TRIM47: variants seen among roughly 807,000 people sequenced by gnomAD.
TRIM47 encodes tripartite motif containing 47.
A neutral mutation model predicts 54.4 loss-of-function variants in TRIM47; 46 were observed. The observed-to-expected ratio is 0.84, with a 90% CI of 0.67 to 1.08. The LOEUF is 1.08. TRIM47 is among the 50% of genes least tolerant of loss of function. The pLI, the probability that TRIM47 is intolerant of heterozygous loss-of-function variation, is 0.00. For synonymous variants in TRIM47, 392 were observed against 410.2 expected, an observed-to-expected ratio of 0.96 and a Z score of 0.54; for missense variants, 825 against 910.1, an observed-to-expected ratio of 0.91 and a Z score of 1.20.
rs1395637729 is a variant in TRIM47, at chr17:75,878,081, C to T, written c.468G>A (p.Leu156=). 1 of 1,339,474 alleles carries T rather than the reference C, an allele frequency of 7.5e-7. No homozygotes were observed. Among genetic ancestry groups the T allele is most frequent in the Non-Finnish European group, 9.5e-7 (1 of 1,049,746 alleles). 83.0% of individuals were successfully genotyped at this position (1,339,474 alleles called of 1,614,324 possible). A position where few individuals can be genotyped will look rare whatever the true frequency, so the allele number is the denominator to read the frequency against. ...SCLASFCPAH[L]GPHERSPALR... is the part of the protein sequence containing the mutation. ...GGGCGGGGCTGCGCTCGTGCGGGCC[C>T]AGGTGCGCGGGGCAAAAGGAGGCGA... The change falls in exon 1 of 6, where the codon CTG becomes CTA. Residue 156 remains leucine, a synonymous_variant. Transcript: ENST00000254816.
intron 1 of TRIM47, 37 bp downstream of exon 1, chr17:75,877,837 C>T (rs745437432): frequency 4.6e-6 from 6 of 1,295,660 alleles, no homozygotes; most frequent in Non-Finnish European, 4.9e-6. Context: ...GGTCGGTCAC[C>T]AGCCCCGGCT....
In TRIM47 at chr17:75,878,562, C is replaced by G; in HGVS notation, c.-14G>C. The G allele has an allele frequency of 7.9e-7, 1 of 1,269,144 alleles. No individual in the cohort carries two copies. The highest frequency in any genetic ancestry group is 1.0e-6 in the Non-Finnish European group (1 of 1,002,650). The allele number at this position is 1,269,144 out of a possible 1,614,324, so 78.6% of individuals were successfully genotyped here. ...ACTGCCGTCCATGACTCCGCGGCCG[C>G]CCAGGGCGCCGCCGATTGTGCTCCG... On this transcript the variant is annotated 5_prime_UTR_variant, in exon 1 of 6. Transcript: ENST00000254816.
At position 75,875,624 on chromosome 17, in the gene TRIM47, A is replaced by G; in HGVS notation, c.1202-150T>C. The G allele has an allele frequency of 1.3e-6, 1 of 761,204 alleles. No individual in the cohort carries two copies. The highest frequency in any genetic ancestry group is 2.7e-5 in the East Asian group (1 of 37,368). The allele number at this position is 761,204 out of a possible 1,614,324, so 47.2% of individuals were successfully genotyped here. A position where few individuals can be genotyped will look rare whatever the true frequency, so the allele number is the denominator to read the frequency against. On this transcript the variant is annotated intron_variant, in intron 4 of 5. Transcript: ENST00000254816. This position sits in a 1 kb window ranked among gnomAD's most constrained non-coding sequence, Gnocchi z 6.1. ...GATGTGGCACGCTGTGCTCACACAC[A>G]TGCCCGTTGCCTGTGTTCTGCCTCT...
chr17:75,875,419 G>A lies in TRIM47; in HGVS notation c.1257C>T (p.Pro419=). ...ACTTACACTTGAGGAAATAGTCCCT[G>A]GGAGCTTCACTCTCCAAGAGGTTCG... is the stretch of plus-strand genomic sequence containing the variant. ...ESTNLLESEA[P]RDYFLKFAYI... is the part of the protein sequence containing the mutation. The change falls in exon 5 of 6, where the codon CCC becomes CCT. Residue 419 remains proline, a synonymous_variant. Coordinates refer to ENST00000254816, the MANE Select transcript of TRIM47 (RefSeq NM_033452.3). This position sits in a 1 kb window ranked among gnomAD's most constrained non-coding sequence, Gnocchi z 6.1. 1 of 1,614,074 alleles carries A rather than the reference G, an allele frequency of 6.2e-7. No homozygotes were observed. The highest frequency in any genetic ancestry group is 8.5e-7 in the Non-Finnish European group (1 of 1,179,992).
Position 75,874,864 on chromosome 17 carries a change from C to G in TRIM47, c.1536G>C (p.Arg512=), listed in dbSNP as rs1159040851. 1 of 1,614,150 alleles carries G rather than the reference C, an allele frequency of 6.2e-7. No individual in the cohort carries two copies. Among genetic ancestry groups the G allele is most frequent in the South Asian group, 1.1e-5 (1 of 91,084 alleles). ...FSPQEPYDRG[R]LGRNAHSCCL... ...AGCAGGAGTGGGCGTTGCGGCCCAG[C>G]CGGCCGCGGTCGTAGGGCTCTTGTG... is the stretch of plus-strand genomic sequence containing the variant. The change falls in exon 6 of 6, where the codon CGG becomes CGC. Residue 512 remains arginine (R), a synonymous_variant. Coordinates refer to ENST00000254816, the MANE Select transcript of TRIM47 (RefSeq NM_033452.3). This position sits in a 1 kb window ranked among gnomAD's most constrained non-coding sequence, Gnocchi z 6.2.
At chr17:75,877,488 T>G in intron 1 of TRIM47, 1 of 243,132 alleles carries the variant, frequency 4.1e-6, no homozygotes, top group Non-Finnish European at 7.4e-6. Flanking sequence ...GCCACACCCA[T>G]CGAAAGCTGC....
In TRIM47 at chr17:75,878,211, G is replaced by A; in HGVS notation, c.338C>T (p.Ala113Val). The A allele has an allele frequency of 1.6e-6, 2 of 1,228,386 alleles. No homozygotes were observed. Among genetic ancestry groups the A allele is most frequent in the East Asian group, 6.5e-5 (2 of 30,698 alleles). 76.1% of individuals were successfully genotyped at this position (1,228,386 alleles called of 1,614,324 possible). The change falls in exon 1 of 6, where the codon GCC becomes GTC. Residue 113 changes from alanine (A) to valine (V), a missense_variant. By Grantham distance (64) the Ala-to-Val change is moderately conservative (BLOSUM62 0). Transcript: ENST00000254816. ...SALPSVPEPS[A>V]PCAPEPWPAG... ...GGGCCACGGCTCGGGAGCGCAGGGGGCCGACGGCTCCGGGACACTGGGCAG... is the reference window on the plus strand; with the variant it reads ...GGGCCACGGCTCGGGAGCGCAGGGGACCGACGGCTCCGGGACACTGGGCAG...
chr17:75,875,948 C>T lies in TRIM47; in HGVS notation c.1154G>A (p.Arg385Lys). Residue 385 changes from arginine to lysine, a missense_variant, in exon 4 of 6, where the codon AGG (arginine) becomes AAG (lysine). By Grantham distance (26) the Arg-to-Lys change is conservative. Transcript: ENST00000254816. This position sits in a 1 kb window ranked among gnomAD's most constrained non-coding sequence, Gnocchi z 6.1. ...VACVNQWEQL[R>K]GPGGNEDGPQ... ...CCCATCCTCGTTGCCACCCGGCCCC[C>T]TCAGCTGCTCCCACTGGTTGACGCA... is the stretch of plus-strand genomic sequence containing the variant. 6.2e-7 allele frequency: 1 copy of T among 1,611,318 alleles called. No homozygotes were observed. The highest frequency in any genetic ancestry group is 8.5e-7 in the Non-Finnish European group (1 of 1,179,966).
chr17:75,874,949 CAGT>C lies in TRIM47; in HGVS notation c.1448_1450del (p.Tyr483del). 1 of 1,614,118 alleles carries C rather than the reference CAGT, an allele frequency of 6.2e-7. No homozygotes were observed. Among genetic ancestry groups the C allele is most frequent in the Non-Finnish European group, 8.5e-7 (1 of 1,180,004 alleles). ...CCAGCCCTCGATAATCTCCACCTCCCAGTAGTAGGTGCCTCGGTCCAGGGCACC... is the reference window on the plus strand; with the variant it reads ...CCAGCCCTCGATAATCTCCACCTCCCAGTAGGTGCCTCGGTCCAGGGCACC... On this transcript the variant is annotated inframe_deletion, in exon 6 of 6. Coordinates refer to ENST00000254816, the MANE Select transcript of TRIM47 (RefSeq NM_033452.3). The surrounding 1 kb of genome is among the most constrained non-coding windows in gnomAD (Gnocchi z 6.2).
At chr17:75,876,516 G>A in intron 2 of TRIM47, 24 bp from the exon 3 acceptor site, 1 of 1,565,030 alleles carries the variant, frequency 6.4e-7, no homozygotes, top group South Asian at 1.2e-5. Flanking sequence ...CAGTAGAGGG[G>A]GCAATGAGGG....
At position 75,878,521 on chromosome 17, in the gene TRIM47, G is replaced by T; in HGVS notation, c.28C>A (p.Pro10Thr). ...TCCCGGAGTGGCTCTAGGCAGATGG[G>T]GCAGCTGAAGGGTCCACTGCCGTCC... MDGSGPFSC[P>T]ICLEPLREPV... The change falls in exon 1 of 6, where the codon CCC (proline) becomes ACC (threonine). Residue 10 changes from proline to threonine, a missense_variant. Physicochemically the swap from Pro to Thr is conservative, Grantham distance 38. Coordinates refer to ENST00000254816, the MANE Select transcript of TRIM47 (RefSeq NM_033452.3). 1 of 1,324,226 alleles carries T rather than the reference G, an allele frequency of 7.6e-7. No homozygotes were observed. Among genetic ancestry groups the T allele is most frequent in the East Asian group, 3.0e-5 (1 of 32,828 alleles). 82.0% of individuals were successfully genotyped at this position (1,324,226 alleles called of 1,614,324 possible). A position where few individuals can be genotyped will look rare whatever the true frequency, so the allele number is the denominator to read the frequency against.
At position 75,878,480 on chromosome 17, in the gene TRIM47, G is replaced by T; in HGVS notation, c.69C>A (p.Pro23=). 7.2e-7 allele frequency: 1 copy of T among 1,396,360 alleles called. No individual in the cohort carries two copies. The highest frequency in any genetic ancestry group is 1.5e-5 in the African/African-American group (1 of 67,036). 86.5% of individuals were successfully genotyped at this position (1,396,360 alleles called of 1,614,324 possible). Residue 23 remains proline, a synonymous_variant, in exon 1 of 6, where the codon CCC becomes CCA. Coordinates refer to ENST00000254816, the MANE Select transcript of TRIM47 (RefSeq NM_033452.3). The part of the protein sequence containing the change: ...LEPLREPVTL[P]CGHNFCLACL... ...AGGCGAGACAGAAGTTGTGGCCGCA[G>T]GGCAGCGTCACCGGCTCCCGGAGTG...
rs1567834345 is a variant in TRIM47, at chr17:75,874,858, GC to G, written c.1541del (p.Gly514AlafsTer56). The part of the protein sequence containing the change: ...PQEPYDRGRL[G>X]RNAHSCCLQW... ...GCAGGCAGCAGGAGTGGGCGTTGCG[GC>G]CCAGCCGGCCGCGGTCGTAGGGCTC... is the stretch of plus-strand genomic sequence containing the variant. On this transcript the variant is annotated frameshift_variant, in exon 6 of 6. Coordinates refer to ENST00000254816, the MANE Select transcript of TRIM47 (RefSeq NM_033452.3). LOFTEE classifies it high-confidence loss of function. This position sits in a 1 kb window ranked among gnomAD's most constrained non-coding sequence, Gnocchi z 6.2. 4.3e-6 allele frequency: 7 copies of G among 1,614,144 alleles called. No homozygotes were observed. The highest frequency in any genetic ancestry group is 5.9e-6 in the Non-Finnish European group (7 of 1,180,032).
intron 1 of TRIM47, 188 bp from the exon 2 acceptor site, chr17:75,877,001 C>T: frequency 1.6e-6 from 1 of 613,896 alleles, no homozygotes; most frequent in South Asian, 1.9e-5. Flanking sequence ...GGTGCCTTTC[C>T]TGAACGCCTG....
chr17:75,878,327 G>C lies in TRIM47; in HGVS notation c.222C>G (p.Ser74=). ...AGCCCTGGCGGAGCTGCAGCAGCTC[G>C]GACAGCGTGTGGTTCTTGCGGAGCT... is the stretch of plus-strand genomic sequence containing the variant. ...GLQLRKNHTL[S]ELLQLRQGSG... Residue 74 remains serine (S), a synonymous_variant, in exon 1 of 6, where the codon TCC becomes TCG. Coordinates refer to ENST00000254816, the MANE Select transcript of TRIM47 (RefSeq NM_033452.3). 1 of 1,303,054 alleles carries C rather than the reference G, an allele frequency of 7.7e-7. No homozygotes were observed. The highest frequency in any genetic ancestry group is 9.8e-7 in the Non-Finnish European group (1 of 1,021,358). The allele number at this position is 1,303,054 out of a possible 1,614,324, so 80.7% of individuals were successfully genotyped here.
chr17:75,874,669 G>A lies in TRIM47; in HGVS notation c.1731C>T (p.Ala577=). The A allele has an allele frequency of 1.9e-6, 3 of 1,600,130 alleles. No individual in the cohort carries two copies. Among genetic ancestry groups the A allele is most frequent in the Non-Finnish European group, 2.6e-6 (3 of 1,171,050 alleles). Residue 577 remains alanine, a synonymous_variant, in exon 6 of 6, where the codon GCC becomes GCT. Transcript: ENST00000254816. This position sits in a 1 kb window ranked among gnomAD's most constrained non-coding sequence, Gnocchi z 6.2. ...GKMSLLRRLK[A]SRPRRGGIPA... ...GGATGCCACCCCGGCGGGGCCGGGA[G>A]GCCTTCAGCCTCCGCAGGAGGCTCA...
In TRIM47 at chr17:75,878,162, G is replaced by T; in HGVS notation, c.387C>A (p.Cys129Ter). The change falls in exon 1 of 6, where the codon TGC (cysteine) becomes TGA (stop). Residue 129 changes from cysteine (C) to a stop codon, truncating the protein, a stop_gained. Transcript: ENST00000254816. LOFTEE classifies it high-confidence loss of function. ...GGGCCGCGCCCTCGGGGCACGCGTC[G>T]CAGCGCACTGGCTCTTCGCCCGCGG... The part of the protein sequence containing the change: ...PWPAGEEPVR[C>*]DACPEGAALP... The T allele has an allele frequency of 1.6e-6, 2 of 1,238,460 alleles. No individual in the cohort carries two copies. Among genetic ancestry groups the T allele is most frequent in the East Asian group, 3.2e-5 (1 of 30,804 alleles). The allele number at this position is 1,238,460 out of a possible 1,614,324, so 76.7% of individuals were successfully genotyped here. A position where few individuals can be genotyped will look rare whatever the true frequency, so the allele number is the denominator to read the frequency against.
chr17:75,876,014 G>A lies in TRIM47; in HGVS notation c.1088C>T (p.Ser363Phe). The A allele has an allele frequency of 6.2e-7, 1 of 1,605,316 alleles. No individual in the cohort carries two copies. The highest frequency in any genetic ancestry group is 8.5e-7 in the Non-Finnish European group (1 of 1,179,990). The part of the protein sequence containing the change: ...PPRELSFTKS[S>F]QAVRAVRDML... ...GTCTCTCACTGCACGGACAGCTTGG[G>A]ATGATTTGGTGAAGCTGAGCTCCCT... Residue 363 changes from serine (S) to phenylalanine (F), a missense_variant, in exon 4 of 6, where the codon TCC becomes TTC. Ser to Phe is a radical substitution (Grantham distance 155). Coordinates refer to ENST00000254816, the MANE Select transcript of TRIM47 (RefSeq NM_033452.3).
rs2065118929 is a variant in TRIM47 at position 75,874,444 on chromosome 17, C to T, written c.*39G>A. 4 of 1,484,386 alleles carry T rather than the reference C, an allele frequency of 2.7e-6. No homozygotes were observed. The highest frequency in any genetic ancestry group is 1.8e-6 in the Non-Finnish European group (2 of 1,117,686). The allele number at this position is 1,484,386 out of a possible 1,614,324, so 92.0% of individuals were successfully genotyped here. ...GAGAGGGCCCAGAGGAGGCAGCTTCCTGGAGCAGAGACGGCAGCAGGAGCG... is the reference window on the plus strand; with the variant it reads ...GAGAGGGCCCAGAGGAGGCAGCTTCTTGGAGCAGAGACGGCAGCAGGAGCG... On this transcript the variant is annotated 3_prime_UTR_variant, in exon 6 of 6. Transcript: ENST00000254816. The surrounding 1 kb of genome is among the most constrained non-coding windows in gnomAD (Gnocchi z 6.2).
Sources: gnomAD v4.1 joint callset for allele counts on GRCh38, gnomAD v4.1.1 for gene constraint, Gnocchi (gnomAD v3.1) non-coding constraint, MANE v1.5 for transcripts, NCBI Gene and HGNC (gene_info 2026-07-23, HGNC 2026-07-21) for gene names.